Variants in ADGRL3 observed in about 807,000 individuals in gnomAD.
ADGRL3 encodes calcium-independent alpha-latrotoxin receptor 3.
In ADGRL3, 62 loss-of-function variants were observed where a neutral mutation model predicts 153.5. That is an observed-to-expected ratio of 0.40 (90% CI 0.33 to 0.50). The LOEUF (loss-of-function observed/expected upper bound fraction) is 0.50, where lower values mean the gene tolerates loss of function less well. Ranked by LOEUF, ADGRL3 falls within the 20% of genes least tolerant of loss-of-function variation. The probability of loss-of-function intolerance (pLI) is 0.47; values close to 1 mark genes in which losing one functional copy is unlikely to be tolerated. For missense variants in ADGRL3, 1,641 were observed against 1,859.4 expected (o/e 0.88, Z 2.16); for synonymous variants, 710 against 672.5 (o/e 1.06, Z -0.86).
rs377179807 is a variant in ADGRL3, at chr4:61,892,699, C to T, written c.1524C>T (p.Thr508=). Residue 508 remains threonine (T), a synonymous_variant, in exon 10 of 27, where the codon ACC becomes ACT. Transcript: ENST00000683033. ...TGPLGMGSTT[T]STTLRTTTLS... is the part of the protein sequence containing the mutation. ...CTCTTGGCATGGGAAGCACTACCAC[C>T]AGTACCACCCTTCGGACCACAACTT... is the stretch of plus-strand genomic sequence containing the variant. 4 of 1,613,860 alleles carry T rather than the reference C, an allele frequency of 2.5e-6. No homozygotes were observed. Among genetic ancestry groups the T allele is most frequent in the Admixed American group, 1.7e-5 (1 of 59,990 alleles).
chr4:61,803,818 T>C (rs2097526338), intron 8 of ADGRL3, among the ~76,000 whole-genome samples: 1 of 152,180 alleles, frequency 6.6e-6, no homozygotes, highest in African/African-American at 2.4e-5. Flanking sequence ...ATATTTTCAC[T>C]TCTATGACAA....
At chr4:61,595,678 C>G (rs1560904735) in intron 5 of ADGRL3, among the ~76,000 whole-genome samples, 1 of 152,256 alleles carries the variant, frequency 6.6e-6, no homozygotes, top group East Asian at 1.9e-4. Flanking sequence ...TGGTGTCTTC[C>G]TAAGTCACAT....
intron 2 of ADGRL3, among the ~76,000 whole-genome samples, chr4:61,429,930 G>A (rs1344094159): frequency 6.6e-6 from 1 of 152,016 alleles, no homozygotes; most frequent in Non-Finnish European, 1.5e-5. Flanking sequence ...TAGAAATAAT[G>A]GCTTCTAGAG....
chr4:61,393,099 A>T (rs563584260), intron 2 of ADGRL3, among the ~76,000 whole-genome samples: 1 of 152,214 alleles, frequency 6.6e-6, no homozygotes, highest in African/African-American at 2.4e-5. Flanking sequence ...CACACCACAC[A>T]GTCTCCCTGG....
chr4:61,782,304 A>G (rs1316536597), intron 8 of ADGRL3, among the ~76,000 whole-genome samples: 2 of 152,204 alleles, frequency 1.3e-5, no homozygotes, highest in Non-Finnish European at 2.9e-5. Context: ...GCTGAGCTGT[A>G]TAAACAATGA....
intron 2 of ADGRL3, among the ~76,000 whole-genome samples, chr4:61,491,021 G>A (rs1169499983): frequency 6.6e-6 from 1 of 152,094 alleles, no homozygotes; most frequent in Non-Finnish European, 1.5e-5. Context: ...GCCCAATGAT[G>A]ATCATACCAA....
intron 21 of ADGRL3, among the ~76,000 whole-genome samples, chr4:62,026,432 A>C (rs1301366454): frequency 6.6e-6 from 1 of 152,086 alleles, no homozygotes; most frequent in African/African-American, 2.4e-5. Flanking sequence ...ACTATAGCAA[A>C]GTATAAGTGA....
intron 3 of ADGRL3, among the ~76,000 whole-genome samples, chr4:61,508,626 A>G (rs1157196051): frequency 6.6e-6 from 1 of 152,136 alleles, no homozygotes; most frequent in Non-Finnish European, 1.5e-5. Context: ...GGGTAAATGT[A>G]CAGGTTTGTT....
chr4:61,738,206 A>G (rs1242533675), intron 8 of ADGRL3, among the ~76,000 whole-genome samples: 1 of 152,144 alleles, frequency 6.6e-6, no homozygotes, highest in Non-Finnish European at 1.5e-5. Context: ...CACTTAGAAT[A>G]ATAGTCTCCA....
chr4:61,685,099 T>C (rs1323685498), intron 6 of ADGRL3, among the ~76,000 whole-genome samples: 2 of 151,902 alleles, frequency 1.3e-5, no homozygotes, highest in African/African-American at 4.8e-5. Flanking sequence ...TAATTTTTAG[T>C]AGAGACAGGG....
At chr4:61,406,418 A>G (rs1436828955) in intron 2 of ADGRL3, among the ~76,000 whole-genome samples, 1 of 151,830 alleles carries the variant, frequency 6.6e-6, no homozygotes, top group Non-Finnish European at 1.5e-5. Flanking sequence ...TTAATAATAC[A>G]TTTTATAGAT....
intron 6 of ADGRL3, among the ~76,000 whole-genome samples, chr4:61,692,001 T>C (rs2095548016): frequency 6.6e-6 from 1 of 152,094 alleles, no homozygotes; most frequent in South Asian, 2.1e-4. Flanking sequence ...AACAATTGAT[T>C]GAGAAAGAAT....
intron 4 of ADGRL3, among the ~76,000 whole-genome samples, chr4:61,552,561 C>T (rs1487795220): frequency 6.6e-6 from 1 of 152,092 alleles, no homozygotes; most frequent in Non-Finnish European, 1.5e-5. Flanking sequence ...CCTCCCAGGC[C>T]TAAACAATCC....
chr4:61,458,228 A>G (rs988191390), intron 2 of ADGRL3, among the ~76,000 whole-genome samples: 6 of 151,556 alleles, frequency 4.0e-5, no homozygotes, highest in African/African-American at 1.4e-4. Context: ...CCATAAATAT[A>G]AATATTATTA....
chr4:61,435,967 GATA>G (rs992102844), intron 2 of ADGRL3, among the ~76,000 whole-genome samples: 25 of 152,086 alleles, frequency 1.6e-4, no homozygotes, highest in African/African-American at 6.0e-4. Context: ...AAAAAAATTA[GATA>G]ATAATTTTAA....
At chr4:61,213,841 T>A (rs1479319455) in intron 1 of ADGRL3, among the ~76,000 whole-genome samples, 1 of 152,172 alleles carries the variant, frequency 6.6e-6, no homozygotes, top group Admixed American at 6.5e-5. Context: ...GCTGAAAGCT[T>A]GGCCTGTTCT....
At chr4:61,432,820 A>G (rs542779951) in intron 2 of ADGRL3, among the ~76,000 whole-genome samples, 1 of 150,688 alleles carries the variant, frequency 6.6e-6, no homozygotes, top group Admixed American at 6.6e-5. Flanking sequence ...CGCCTGGCTA[A>G]TTTTGTATTT....
chr4:61,459,109 A>T (rs550977506), intron 2 of ADGRL3, among the ~76,000 whole-genome samples: 45 of 151,686 alleles, frequency 3.0e-4, no homozygotes, highest in Non-Finnish European at 5.2e-4. Flanking sequence ...TTAAATGTGT[A>T]CTTAAGTTTT....
At chr4:61,552,943 C>G (rs1406483108) in intron 4 of ADGRL3, among the ~76,000 whole-genome samples, 1 of 152,116 alleles carries the variant, frequency 6.6e-6, no homozygotes, top group Non-Finnish European at 1.5e-5. Context: ...GAAGGCCTTA[C>G]AGTGTGTCAG....
Sources: gnomAD v4.1 joint callset for allele counts (sites outside exome capture counted in the v4.1 genomes callset) on GRCh38, gnomAD v4.1.1 for gene constraint, MANE v1.5 for transcripts, NCBI Gene and HGNC (gene_info 2026-07-23, HGNC 2026-07-21) for gene names.